Variants in PRKN observed in about 807,000 individuals in gnomAD.
PRKN encodes the protein parkin RBR E3 ubiquitin protein ligase, also known as E3 ubiquitin-protein ligase parkin.
Under a neutral mutation model 59.5 loss-of-function variants are expected in PRKN, and 56 were observed. The ratio of observed to expected loss-of-function variants is 0.94; its 90% CI spans 0.76 to 1.18. PRKN has a LOEUF of 1.18. Ranked by LOEUF, PRKN falls within the 50% of genes most tolerant of loss-of-function variation. The pLI, the probability that PRKN is intolerant of heterozygous loss-of-function variation, is 0.00. For missense variants in PRKN, 657 were observed against 596.4 expected (o/e 1.10, Z -1.06); for synonymous variants, 250 against 222.1 (o/e 1.13, Z -1.12).
intron 6 of PRKN, among the ~76,000 whole-genome samples, chr6:161,815,790 G>A (rs1338100500): frequency 6.6e-6 from 1 of 152,180 alleles, no homozygotes; most frequent in African/African-American, 2.4e-5. Flanking sequence ...AGACGGGGCA[G>A]CTGGAGTTAA....
intron 9 of PRKN, among the ~76,000 whole-genome samples, chr6:161,528,226 T>C (rs1779081962): frequency 6.6e-6 from 1 of 152,340 alleles, no homozygotes; most frequent in African/African-American, 2.4e-5. Flanking sequence ...TTTCTCTTTC[T>C]GTTTAGTAAT....
Position 161,359,561 on chromosome 6 carries a change from G to A in PRKN, c.1285+527C>T, listed in dbSNP as rs1784896281. On this transcript the variant is annotated intron_variant, in intron 11 of 11. Transcript: ENST00000366898. This position sits in a 1 kb window ranked among gnomAD's most constrained non-coding sequence, Gnocchi z 5.4. ...CCACTGGTTGTGATGGCTTTGCCCT[G>A]AGTGGCATGTCCAGGATAGACAGCA... 6.6e-6 allele frequency among the ~76,000 whole-genome samples: 1 copy of A among 152,248 alleles called. No homozygotes were observed. The highest frequency in any genetic ancestry group is 1.5e-5 in the Non-Finnish European group (1 of 68,040).
intron 6 of PRKN, among the ~76,000 whole-genome samples, chr6:161,828,339 T>A (rs972498720): frequency 3.3e-5 from 5 of 152,218 alleles, no homozygotes; most frequent in Admixed American, 2.6e-4. Context: ...ATATTTTTAA[T>A]CTTATTTGAG....
At chr6:162,668,588 T>C (rs929665520) in intron 1 of PRKN, among the ~76,000 whole-genome samples, 5 of 151,924 alleles carry the variant, frequency 3.3e-5, no homozygotes, top group Admixed American at 1.3e-4. Flanking sequence ...TAAGTGGCTG[T>C]GTATGGGGGC....
chr6:162,492,956 CA>C (rs34716532), intron 1 of PRKN, among the ~76,000 whole-genome samples: 55,913 of 110,738 alleles, frequency 0.5, 12,339 homozygotes, highest in Middle Eastern at 0.58. Context: ...TTGTCTCAAA[CA>C]AAAAAAAAAA....
chr6:162,171,414 C>G (rs1047411306), intron 4 of PRKN, among the ~76,000 whole-genome samples: 1 of 152,036 alleles, frequency 6.6e-6, no homozygotes. Context: ...TGAAACGCTG[C>G]TTTTCTGATG....
Position 161,529,101 on chromosome 6 carries a change from G to A in PRKN, c.1083+19753C>T, listed in dbSNP as rs1289028002. On this transcript the variant is annotated intron_variant, in intron 9 of 11. Transcript: ENST00000366898. The surrounding 1 kb of genome is among the most constrained non-coding windows in gnomAD (Gnocchi z 4.4). ...GCTGTCTTATGTCTATGAGATATAC[G>A]AGCCACAACCACAGACTCTACGCTG... Among the ~76,000 whole-genome samples the A allele has an allele frequency of 1.3e-5, 2 of 152,068 alleles. No homozygotes were observed. The highest frequency in any genetic ancestry group is 4.8e-5 in the African/African-American group (2 of 41,400).
rs1302053234 is a variant in PRKN, at chr6:162,727,741, C to A, written c.-73G>T. On this transcript the variant is annotated 5_prime_UTR_variant, in exon 1 of 12. Coordinates refer to ENST00000366898, the MANE Select transcript of PRKN (RefSeq NM_004562.3). ...GCAGCGGCGCCAGCCGCGCCTCCCA[C>A]CAGCGGCTCTCCTGGGTTAAATCCT... The A allele has an allele frequency of 1.4e-6, 2 of 1,478,160 alleles. No homozygotes were observed. Among genetic ancestry groups the A allele is most frequent in the Admixed American group, 2.0e-5 (1 of 50,864 alleles). 91.6% of individuals were successfully genotyped at this position (1,478,160 alleles called of 1,614,324 possible).
At chr6:162,318,508 C>T (rs1170976092) in intron 2 of PRKN, among the ~76,000 whole-genome samples, 2 of 152,028 alleles carry the variant, frequency 1.3e-5, no homozygotes, top group African/African-American at 4.8e-5. Context: ...GGGTGATCAT[C>T]TATATTTCAG....
At chr6:161,874,426 A>T (rs1371353697) in intron 6 of PRKN, among the ~76,000 whole-genome samples, 2 of 88,872 alleles carry the variant, frequency 2.3e-5, no homozygotes, top group Non-Finnish European at 3.9e-5. Flanking sequence ...TATATATTAT[A>T]TGTAAAATAT....
At position 161,710,085 on chromosome 6, in the gene PRKN, C is replaced by A. The variant is rs77207548; in HGVS notation, c.871+75687G>T. On this transcript the variant is annotated intron_variant, in intron 7 of 11. Transcript: ENST00000366898. ...ATTGGTATTTGCATATATTTGACAA[C>A]CAAAAATGACAAGCATTGGAATAAT... Among the ~76,000 whole-genome samples the A allele has an allele frequency of 1.2e-4, 18 of 149,552 alleles. No homozygotes were observed. The East Asian group carries it at 3.1e-3, about 26-fold the overall frequency.
At position 161,892,292 on chromosome 6, in the gene PRKN, A is replaced by T. The variant is rs114931218; in HGVS notation, c.734+81010T>A. Among the ~76,000 whole-genome samples, 1,415 of 152,008 alleles carry T rather than the reference A, an allele frequency of 9.3e-3. 21 individuals are homozygous for T. The highest frequency in any genetic ancestry group is 0.032 in the African/African-American group (1,339 of 41,424). On this transcript the variant is annotated intron_variant, in intron 6 of 11. Coordinates refer to ENST00000366898, the MANE Select transcript of PRKN (RefSeq NM_004562.3). ...TCTACAAAAAATCTTTGGACCAGCC[A>T]CAGTGGTTCACACCTGGTATCCCAG...
Position 161,712,509 on chromosome 6 carries a change from C to A in PRKN, c.871+73263G>T, listed in dbSNP as rs568928509. On this transcript the variant is annotated intron_variant, in intron 7 of 11. Transcript: ENST00000366898. The stretch of plus-strand genomic sequence containing the variant: ...AGTCCATTCAGACTCTCAAAAAAAC[C>A]TTCCAATACCTGGGAGCTTATGATT... 1.4e-4 allele frequency among the ~76,000 whole-genome samples: 21 copies of A among 152,276 alleles called. No individual in the cohort carries two copies. In the South Asian group the frequency reaches 4.4e-3, roughly 32 times the overall value.
chr6:162,532,563 T>C (rs540293398), intron 1 of PRKN, among the ~76,000 whole-genome samples: 2 of 152,310 alleles, frequency 1.3e-5, no homozygotes, highest in African/African-American at 4.8e-5. Flanking sequence ...GCTAATGTTT[T>C]TATCTCTGTG....
intron 4 of PRKN, among the ~76,000 whole-genome samples, chr6:162,172,216 G>A (rs761480074): frequency 1.2e-4 from 18 of 152,166 alleles, no homozygotes; most frequent in African/African-American, 3.6e-4. Flanking sequence ...AGATCGGAGC[G>A]GGGTGCTGCC....
At chr6:161,856,864 A>G (rs1793677015) in intron 6 of PRKN, among the ~76,000 whole-genome samples, 1 of 152,178 alleles carries the variant, frequency 6.6e-6, no homozygotes, top group South Asian at 2.1e-4. Context: ...ATAAATACTG[A>G]AAAATATTTC....
At chr6:162,027,303 C>A (rs2128277990) in intron 5 of PRKN, among the ~76,000 whole-genome samples, 1 of 144,928 alleles carries the variant, frequency 6.9e-6, no homozygotes, top group South Asian at 2.3e-4. Context: ...TGATATTAAT[C>A]TTGACATGTT....
chr6:162,086,501 C>G (rs993578931), intron 4 of PRKN, among the ~76,000 whole-genome samples: 6 of 152,106 alleles, frequency 3.9e-5, no homozygotes, highest in African/African-American at 1.2e-4. Context: ...CTAGCAGTGT[C>G]AGCACTACAA....
chr6:161,650,214 T>C (rs1434352972), intron 7 of PRKN, among the ~76,000 whole-genome samples: 1 of 152,210 alleles, frequency 6.6e-6, no homozygotes, highest in Non-Finnish European at 1.5e-5. Flanking sequence ...AATATTTGTT[T>C]ATGTCAGCTG....
Sources: gnomAD v4.1 joint callset for allele counts (sites outside exome capture counted in the v4.1 genomes callset) on GRCh38, gnomAD v4.1.1 for gene constraint, Gnocchi (gnomAD v3.1) non-coding constraint, MANE v1.5 for transcripts, NCBI Gene and HGNC (gene_info 2026-07-23, HGNC 2026-07-21) for gene names.